GCAT: variants seen among roughly 807,000 people sequenced by gnomAD.
The protein encoded by GCAT is glycine C-acetyltransferase.
Under a neutral mutation model 39.7 loss-of-function variants are expected in GCAT, and 26 were observed. The observed-to-expected ratio is 0.65, with a 90% CI of 0.48 to 0.91. GCAT has a LOEUF of 0.91. GCAT is among the 40% of genes least tolerant of loss of function. GCAT has a pLI of 0.00. For missense variants in GCAT, 550 were observed against 576.2 expected (o/e 0.95, Z 0.47); for synonymous variants, 218 against 237.2 (o/e 0.92, Z 0.74).
chr22:37,810,173 T>G lies in GCAT; in HGVS notation c.327+16T>G. 6.4e-7 allele frequency: 1 copy of G among 1,561,854 alleles called. No homozygotes were observed. The highest frequency in any genetic ancestry group is 1.1e-5 in the South Asian group (1 of 90,060). ...TGGAACCCAGGTACACAGTGAGTGG[T>G]GGGGGGTTGTGGGGACTGACCCCAG... On this transcript the variant is annotated intron_variant, in intron 2 of 8. Transcript: ENST00000248924.
intron 4 of GCAT, among the ~76,000 whole-genome samples, chr22:37,814,625 C>A (rs367864540): frequency 1.3e-5 from 2 of 151,974 alleles, no homozygotes; most frequent in Non-Finnish European, 2.9e-5. Flanking sequence ...AACTCCTGGG[C>A]TCCCAAAGTT....
intron 6 of GCAT, 31 bp downstream of exon 6, chr22:37,815,531 C>A: frequency 6.3e-7 from 1 of 1,578,774 alleles, no homozygotes; most frequent in South Asian, 1.1e-5. Flanking sequence ...CTGGGGTCCC[C>A]TTGTCCTTTT....
At chr22:37,813,270 T>C (rs1490800401) in intron 3 of GCAT, 193 bp from the exon 4 acceptor site, 2 of 721,742 alleles carry the variant, frequency 2.8e-6, no homozygotes, top group Non-Finnish European at 5.1e-6. Flanking sequence ...TCACCTCCTC[T>C]TACTAGAGCA....
chr22:37,810,354 T>A (rs1346872634), intron 2 of GCAT, among the ~76,000 whole-genome samples, 197 bp downstream of exon 2: 3 of 151,888 alleles, frequency 2.0e-5, no homozygotes, highest in Non-Finnish European at 2.9e-5. Flanking sequence ...ATATATATAT[T>A]TTTTCTTTTT....
intron 2 of GCAT, among the ~76,000 whole-genome samples, chr22:37,810,617 G>A (rs1374709595): frequency 3.4e-5 from 5 of 147,316 alleles, no homozygotes; most frequent in Admixed American, 1.4e-4. Context: ...CCAGGTTCAC[G>A]CCATTCTCCT....
At chr22:37,813,339 CT>C (rs1203502686) in intron 3 of GCAT, 123 bp from the exon 4 acceptor site, 3 of 1,078,744 alleles carry the variant, frequency 2.8e-6, no homozygotes, top group Non-Finnish European at 4.2e-6. Context: ...CACAGAACAC[CT>C]TGCCTCTCTA....
At chr22:37,815,090 GAC>G in intron 4 of GCAT, 34 bp from the exon 5 acceptor site, 1 of 1,606,744 alleles carries the variant, frequency 6.2e-7, no homozygotes, top group Non-Finnish European at 8.5e-7. Flanking sequence ...GGCCCAACTT[GAC>G]ACCACCCACC....
At chr22:37,810,619 C>T (rs1048408132) in intron 2 of GCAT, among the ~76,000 whole-genome samples, 2 of 151,448 alleles carry the variant, frequency 1.3e-5, no homozygotes, top group African/African-American at 4.9e-5. Flanking sequence ...AGGTTCACGC[C>T]ATTCTCCTGC....
At chr22:37,815,601 G>A in intron 6 of GCAT, 62 bp from the exon 7 acceptor site, 1 of 1,488,414 alleles carries the variant, frequency 6.7e-7, no homozygotes, top group Non-Finnish European at 9.3e-7. Flanking sequence ...ACTTTCAGGA[G>A]GGGGTTGGGT....
At chr22:37,809,273 C>T (rs997549177) in intron 1 of GCAT, among the ~76,000 whole-genome samples, 3 of 152,194 alleles carry the variant, frequency 2.0e-5, no homozygotes, top group Admixed American at 6.5e-5. Context: ...GCTGTTTGCT[C>T]CTAAGGTCAG....
rs1454059485 is a variant in GCAT, at chr22:37,816,877, C to T, written c.*159C>T. The T allele has an allele frequency of 3.0e-6, 2 of 676,080 alleles. No individual in the cohort carries two copies. The highest frequency in any genetic ancestry group is 5.0e-6 in the Non-Finnish European group (2 of 402,774). 41.9% of individuals were successfully genotyped at this position (676,080 alleles called of 1,614,324 possible). On this transcript the variant is annotated 3_prime_UTR_variant, in exon 9 of 9. Transcript: ENST00000248924. ...TGAGGGCTGTGAGAATGTGAAACAA[C>T]AGTGTGAAAATTGGCTGTGACACTC...
At chr22:37,810,342 TTA>T (rs1191661133) in intron 2 of GCAT, among the ~76,000 whole-genome samples, 185 bp downstream of exon 2, 1 of 152,032 alleles carries the variant, frequency 6.6e-6, no homozygotes, top group African/African-American at 2.4e-5. Context: ...CCAAGGAACT[TTA>T]TATATATATT....
chr22:37,809,840 T>G, intron 1 of GCAT, 187 bp from the exon 2 acceptor site: 3 of 720,340 alleles, frequency 4.2e-6, no homozygotes, highest in Non-Finnish European at 7.0e-6. Flanking sequence ...AAGTTTAAAC[T>G]TCTTGCTCTT....
chr22:37,812,780 G>T (rs1921740775), intron 2 of GCAT, 107 bp from the exon 3 acceptor site: 3 of 751,668 alleles, frequency 4.0e-6, no homozygotes, highest in Non-Finnish European at 7.1e-6. Flanking sequence ...GACTGAGGCT[G>T]CAGGCTTTCT....
In GCAT at chr22:37,810,002, A is replaced by G. The variant is rs780775642; in HGVS notation, c.197-25A>G. The G allele has an allele frequency of 8.7e-6, 14 of 1,613,400 alleles. No individual in the cohort carries two copies. In the South Asian group the frequency reaches 1.5e-4, roughly 18 times the overall value. On this transcript the variant is annotated intron_variant, in intron 1 of 8. Transcript: ENST00000248924. The stretch of plus-strand genomic sequence containing the variant: ...GCCCTTGCCCCACCTGAGCTGCTGT[A>G]TCCATCTCCTCTCCTTCACCTCAGG...
rs138106379 is a variant in GCAT, at chr22:37,816,125, G to C, written c.987-75G>C. ...TCTTGCAGACTTGGGCATAGACCTC[G>C]GGCCTGGTCCCTGCAAGGAGCGGGT... On this transcript the variant is annotated intron_variant, in intron 7 of 8. Coordinates refer to ENST00000248924, the MANE Select transcript of GCAT (RefSeq NM_014291.4). 38 of 1,548,594 alleles carry C rather than the reference G, an allele frequency of 2.5e-5. No individual in the cohort carries two copies. In the Middle Eastern group the frequency reaches 7.5e-4, roughly 31 times the overall value.
At chr22:37,813,667 GA>G in intron 4 of GCAT, 58 bp downstream of exon 4, 1 of 1,488,402 alleles carries the variant, frequency 6.7e-7, no homozygotes, top group South Asian at 1.3e-5. Flanking sequence ...GTGAGGCTTA[GA>G]GAGGCCAACT....
rs368426560 is a variant in GCAT, at chr22:37,815,719, C to G, written c.871C>G (p.Pro291Ala). 23 of 1,613,666 alleles carry G rather than the reference C, an allele frequency of 1.4e-5. No homozygotes were observed. The African/African-American group carries it at 2.9e-4, about 21-fold the overall frequency. Residue 291 changes from proline to alanine, a missense_variant, in exon 7 of 9, where the codon CCA becomes GCA. By Grantham distance (27) the Pro-to-Ala change is conservative. Coordinates refer to ENST00000248924, the MANE Select transcript of GCAT (RefSeq NM_014291.4). ...GTCCCTGCTGCGGCAGCGCGCCCGG[C>G]CATACCTCTTCTCCAACAGTCTGCC... ...LVSLLRQRAR[P>A]YLFSNSLPPA... is the part of the protein sequence containing the mutation.
rs374476684 is a variant in GCAT, at chr22:37,813,477, A to G, written c.444A>G (p.Pro148=). 3.7e-6 allele frequency: 6 copies of G among 1,603,232 alleles called. No individual in the cohort carries two copies. The highest frequency in any genetic ancestry group is 5.1e-6 in the Non-Finnish European group (6 of 1,175,134). The change falls in exon 4 of 9, where the codon CCA becomes CCG. Residue 148 remains proline (P), a synonymous_variant. Transcript: ENST00000248924. ...NAGLFEALLT[P]EDAVLSDELN... ...CCTCCCTCCAGGCCCTGCTGACCCC[A>G]GAGGACGCAGTCCTGTCGGACGAGC...
Sources: allele counts gnomAD v4.1 joint callset (sites outside exome capture counted in the v4.1 genomes callset), GRCh38; gene constraint gnomAD v4.1.1; transcripts MANE v1.5; gene names NCBI Gene and HGNC (gene_info 2026-07-23, HGNC 2026-07-21).